Variants in PHF14 observed in about 807,000 individuals in gnomAD.
The protein encoded by PHF14 is PHD finger protein 14.
A neutral mutation model predicts 117.9 loss-of-function variants in PHF14; 55 were observed. That is an observed-to-expected ratio of 0.47 (90% CI 0.38 to 0.58). The LOEUF is 0.58. Among genes scored for constraint, PHF14 ranks in the 20% least tolerant of loss-of-function variants. The pLI is 0.00. For synonymous variants in PHF14, 409 were observed against 368.6 expected, an observed-to-expected ratio of 1.11 and a Z score of -1.26; for missense variants, 978 against 1,122.2, an observed-to-expected ratio of 0.87 and a Z score of 1.84.
At chr7:11,003,732 T>C (rs1420326347) in intron 4 of PHF14, among the ~76,000 whole-genome samples, 1 of 152,224 alleles carries the variant, frequency 6.6e-6, no homozygotes, top group Admixed American at 6.5e-5. Context: ...CTTGAATTAA[T>C]TCATTAAAAT....
chr7:11,035,814 GT>G, intron 8 of PHF14, 28 bp downstream of exon 8: 1 of 1,553,868 alleles, frequency 6.4e-7, no homozygotes, highest in Non-Finnish European at 8.7e-7. Flanking sequence ...AAACCCGTAT[GT>G]TTTTGTTTTA....
At chr7:11,052,513 G>C (rs1784879244) in intron 14 of PHF14, among the ~76,000 whole-genome samples, 1 of 150,534 alleles carries the variant, frequency 6.6e-6, no homozygotes, top group South Asian at 2.1e-4. Context: ...GTGTAGATTT[G>C]CTAAGTTACA....
At chr7:11,102,555 G>A in intron 16 of PHF14, 3 of 1,609,394 alleles carry the variant, frequency 1.9e-6, no homozygotes, top group East Asian at 2.2e-5. Context: ...TCTTTTATAA[G>A]TGTGATTTTA....
intron 4 of PHF14, among the ~76,000 whole-genome samples, chr7:11,003,923 C>T (rs77801652): frequency 0.026 from 3,988 of 152,154 alleles, 178 homozygotes; most frequent in African/African-American, 0.091. Flanking sequence ...TATATGTCCT[C>T]TGTGGAAAAC....
chr7:11,143,624 G>A (rs1459029594), intron 17 of PHF14, among the ~76,000 whole-genome samples: 2 of 151,968 alleles, frequency 1.3e-5, no homozygotes, highest in African/African-American at 2.4e-5. Context: ...AGAGATTACC[G>A]CTGCTTGCAT....
chr7:10,989,152 C>A (rs1410049902), intron 3 of PHF14, among the ~76,000 whole-genome samples: 4 of 152,082 alleles, frequency 2.6e-5, no homozygotes, highest in South Asian at 2.1e-4. Context: ...ATACTATATT[C>A]TTGTTGATGT....
At chr7:11,143,032 CTTAGAAA>C (rs983846278) in intron 17 of PHF14, among the ~76,000 whole-genome samples, 10 of 152,186 alleles carry the variant, frequency 6.6e-5, no homozygotes, top group East Asian at 3.9e-4. Context: ...ATCCACATCA[CTTAGAAA>C]TTAGGAATAT....
Position 11,051,749 on chromosome 7 carries a change from C to G in PHF14, c.2450C>G (p.Pro817Arg), listed in dbSNP as rs1224742671. Residue 817 changes from proline (P) to arginine (R), a missense_variant, in exon 14 of 18, where the codon CCA becomes CGA. This residue lies in a region of PHF14 where 180 missense variants were observed against 195.4 expected (regional missense o/e 0.92). Coordinates refer to ENST00000634607, the MANE Select transcript of PHF14 (RefSeq NM_001007157.2). ...AAATTTGTTCCACAGGATGTGCCAC[C>G]AGAACCCAAGAAGATTCCGATAAGA... Reference protein sequence around the residue: ...PVKFVPQDVPPEPKKIPIRNT... With the variant: ...PVKFVPQDVPREPKKIPIRNT... 6.2e-7 allele frequency: 1 copy of G among 1,613,534 alleles called. No homozygotes were observed.
intron 14 of PHF14, among the ~76,000 whole-genome samples, chr7:11,056,303 C>T (rs565218721): frequency 1.7e-4 from 26 of 152,206 alleles, no homozygotes; most frequent in African/African-American, 6.3e-4. Context: ...CAAGACTTTC[C>T]TTATTTTGTA....
intron 10 of PHF14, among the ~76,000 whole-genome samples, chr7:11,037,923 T>C (rs1333912672): frequency 6.6e-6 from 1 of 152,080 alleles, no homozygotes; most frequent in African/African-American, 2.4e-5. Flanking sequence ...GGGAAAATAG[T>C]GGAAATACAT....
At chr7:11,088,437 TATTTCCCAAC>T (rs1431909025) in intron 16 of PHF14, among the ~76,000 whole-genome samples, 1 of 147,456 alleles carries the variant, frequency 6.8e-6, no homozygotes, top group African/African-American at 2.5e-5. Flanking sequence ...CACACAGTCC[TATTTCCCAAC>T]ATGAGAAATT....
chr7:11,155,138 T>C (rs1788806399), intron 17 of PHF14, among the ~76,000 whole-genome samples: 1 of 152,172 alleles, frequency 6.6e-6, no homozygotes. Context: ...TGTGCTAGGC[T>C]CCTCATATTT....
intron 16 of PHF14, among the ~76,000 whole-genome samples, chr7:11,085,597 A>G (rs747700886): frequency 2.6e-5 from 4 of 152,166 alleles, no homozygotes; most frequent in Non-Finnish European, 5.9e-5. Flanking sequence ...AACATTTAAC[A>G]TTGGTGACCA....
intron 16 of PHF14, among the ~76,000 whole-genome samples, chr7:11,064,624 A>C (rs889912780): frequency 2.6e-5 from 4 of 152,012 alleles, no homozygotes; most frequent in Non-Finnish European, 2.9e-5. Context: ...AATTCAGGCT[A>C]TATAGAAAAT....
intron 4 of PHF14, among the ~76,000 whole-genome samples, chr7:11,012,318 GGGA>G (rs1337057382): frequency 2.6e-5 from 4 of 152,130 alleles, no homozygotes; most frequent in Non-Finnish European, 5.9e-5. Flanking sequence ...AGTATACCTA[GGGA>G]ATTGGTTCCA....
chr7:11,095,617 T>G (rs1009692778), intron 16 of PHF14, among the ~76,000 whole-genome samples: 12 of 152,184 alleles, frequency 7.9e-5, no homozygotes, highest in African/African-American at 2.9e-4. Flanking sequence ...CAGGCATCCA[T>G]TAAATGTAGA....
chr7:11,147,495 C>G (rs1389612945), intron 17 of PHF14, among the ~76,000 whole-genome samples: 1 of 152,178 alleles, frequency 6.6e-6, no homozygotes, highest in Non-Finnish European at 1.5e-5. Flanking sequence ...TACAATGACT[C>G]TTGTTAATGT....
chr7:11,002,590 C>T (rs973064120), intron 4 of PHF14, among the ~76,000 whole-genome samples: 5 of 151,952 alleles, frequency 3.3e-5, no homozygotes, highest in South Asian at 2.1e-4. Context: ...CAGGCATATG[C>T]GCCACCACGC....
intron 16 of PHF14, among the ~76,000 whole-genome samples, chr7:11,069,126 G>A (rs1289871114): frequency 6.6e-6 from 1 of 152,090 alleles, no homozygotes; most frequent in African/African-American, 2.4e-5. Flanking sequence ...GTCAGGAAAG[G>A]TTGCTGGCTC....
Sources: gnomAD v4.1 joint callset for allele counts (sites outside exome capture counted in the v4.1 genomes callset) on GRCh38, gnomAD v4.1.1 for gene constraint, gnomAD v4.1.1 regional missense constraint, MANE v1.5 for transcripts, NCBI Gene and HGNC (gene_info 2026-07-23, HGNC 2026-07-21) for gene names.